The following GPR39 variants were observed in gnomAD, a reference collection of about 807,000 sequenced individuals.
GPR39 encodes G protein-coupled receptor 39, also known as zinc sensing receptor.
A neutral mutation model predicts 18.4 loss-of-function variants in GPR39; 23 were observed. The observed-to-expected ratio is 1.25, with a 90% confidence interval of 0.90 to 1.77. The LOEUF is 1.77. GPR39 is among the 40% of genes most tolerant of loss of function. The pLI is 0.00. For missense variants in GPR39, 647 were observed against 602.4 expected (o/e 1.07, Z -0.78); for synonymous variants, 280 against 257.9 (o/e 1.09, Z -0.82).
At chr2:132,615,403 A>G (rs1681316843) in intron 1 of GPR39, among the ~76,000 whole-genome samples, 1 of 152,150 alleles carries the variant, frequency 6.6e-6, no homozygotes, top group African/African-American at 2.4e-5. Context: ...CCTTCCTCGC[A>G]GGCATCATTG....
At chr2:132,610,315 T>A (rs1479305723) in intron 1 of GPR39, among the ~76,000 whole-genome samples, 2 of 152,154 alleles carry the variant, frequency 1.3e-5, no homozygotes, top group Non-Finnish European at 1.5e-5. Flanking sequence ...GGCGTAGTCA[T>A]CACACAAGAA....
chr2:132,493,135 C>CAT (rs1167102506), intron 1 of GPR39, among the ~76,000 whole-genome samples: 3 of 135,814 alleles, frequency 2.2e-5, no homozygotes, highest in South Asian at 2.3e-4. Context: ...ATATATATAC[C>CAT]ATATATATAC....
chr2:132,559,077 T>C (rs1480743367), intron 1 of GPR39, among the ~76,000 whole-genome samples: 2 of 152,198 alleles, frequency 1.3e-5, no homozygotes, highest in African/African-American at 2.4e-5. Flanking sequence ...CTTGCTATAA[T>C]AGAAAATGGC....
intron 1 of GPR39, among the ~76,000 whole-genome samples, chr2:132,457,584 G>T (rs1021717963): frequency 2.0e-5 from 3 of 152,202 alleles, no homozygotes; most frequent in South Asian, 2.1e-4. Context: ...GGCTACACGG[G>T]GTTCAGGGAC....
chr2:132,474,050 C>T (rs891100824), intron 1 of GPR39, among the ~76,000 whole-genome samples: 7 of 152,140 alleles, frequency 4.6e-5, no homozygotes, highest in Non-Finnish European at 7.4e-5. Flanking sequence ...TAAAGCACTA[C>T]GACATGACAT....
At chr2:132,496,976 A>C (rs1681652883) in intron 1 of GPR39, among the ~76,000 whole-genome samples, 1 of 152,222 alleles carries the variant, frequency 6.6e-6, no homozygotes, top group African/African-American at 2.4e-5. Flanking sequence ...TTGGTTTCCC[A>C]ATTTTACTTT....
At chr2:132,559,207 T>C (rs1428033961) in intron 1 of GPR39, among the ~76,000 whole-genome samples, 1 of 152,164 alleles carries the variant, frequency 6.6e-6, no homozygotes, top group African/African-American at 2.4e-5. Context: ...CTGACCGAGG[T>C]TGGGATCCAG....
At chr2:132,513,059 C>T (rs569887373) in intron 1 of GPR39, among the ~76,000 whole-genome samples, 25 of 152,230 alleles carry the variant, frequency 1.6e-4, no homozygotes, top group Middle Eastern at 3.4e-3. Flanking sequence ...AGCTGGGCTC[C>T]TGGGTCGGTT....
At chr2:132,524,867 A>G (rs1679481798) in intron 1 of GPR39, among the ~76,000 whole-genome samples, 1 of 152,218 alleles carries the variant, frequency 6.6e-6, no homozygotes. Flanking sequence ...TAGTGAAGTT[A>G]TTACAAGTAC....
intron 1 of GPR39, among the ~76,000 whole-genome samples, chr2:132,618,645 G>A (rs1681380459): frequency 6.6e-6 from 1 of 152,052 alleles, no homozygotes; most frequent in African/African-American, 2.4e-5. Context: ...TGCTTTGGGA[G>A]GCCACACATG....
chr2:132,418,804 T>A (rs1372577550), intron 1 of GPR39, among the ~76,000 whole-genome samples: 1 of 152,190 alleles, frequency 6.6e-6, no homozygotes, highest in Admixed American at 6.5e-5. Flanking sequence ...TAAAATATAT[T>A]TTTTTAGCAG....
intron 1 of GPR39, among the ~76,000 whole-genome samples, chr2:132,514,518 G>A (rs1679296784): frequency 6.6e-6 from 1 of 152,112 alleles, no homozygotes; most frequent in African/African-American, 2.4e-5. Flanking sequence ...CCAGATCATT[G>A]GTACCTGCCT....
At chr2:132,584,437 G>A (rs1680686218) in intron 1 of GPR39, among the ~76,000 whole-genome samples, 1 of 152,148 alleles carries the variant, frequency 6.6e-6, no homozygotes, top group Non-Finnish European at 1.5e-5. Flanking sequence ...GGAAGCTTCT[G>A]AAGCCAGAAA....
At chr2:132,569,210 A>G (rs113262900) in intron 1 of GPR39, among the ~76,000 whole-genome samples, 4 of 152,220 alleles carry the variant, frequency 2.6e-5, no homozygotes, top group African/African-American at 9.6e-5. Context: ...GGAAAGAATA[A>G]CAAGAGAGAT....
chr2:132,558,993 C>T (rs2104802016), intron 1 of GPR39, among the ~76,000 whole-genome samples: 1 of 152,236 alleles, frequency 6.6e-6, no homozygotes, highest in Non-Finnish European at 1.5e-5. Flanking sequence ...GGCAAAGGAC[C>T]TGATTTTCAT....
chr2:132,472,346 C>T (rs969866797), intron 1 of GPR39, among the ~76,000 whole-genome samples: 9 of 152,172 alleles, frequency 5.9e-5, no homozygotes, highest in Admixed American at 5.2e-4. Context: ...CAGGTGTATT[C>T]CATCCAGCTC....
intron 1 of GPR39, among the ~76,000 whole-genome samples, chr2:132,449,942 C>A (rs1052721733): frequency 6.6e-6 from 1 of 152,160 alleles, no homozygotes; most frequent in Non-Finnish European, 1.5e-5. Context: ...ACAGGCCCTT[C>A]AAAATCTTTT....
intron 1 of GPR39, among the ~76,000 whole-genome samples, chr2:132,445,699 T>G (rs551337186): frequency 4.6e-5 from 7 of 152,362 alleles, no homozygotes; most frequent in African/African-American, 7.2e-5. Flanking sequence ...TATTTTTCAC[T>G]AATTTGTTCC....
At chr2:132,610,205 A>ACTTACTT (rs1486374273) in intron 1 of GPR39, among the ~76,000 whole-genome samples, 1 of 152,030 alleles carries the variant, frequency 6.6e-6, no homozygotes, top group Non-Finnish European at 1.5e-5. Context: ...GAATCTAAAT[A>ACTTACTT]CTTACATGCT....
Sources: gnomAD v4.1 joint callset for allele counts (sites outside exome capture counted in the v4.1 genomes callset) on GRCh38, gnomAD v4.1.1 for gene constraint, MANE v1.5 for transcripts, NCBI Gene and HGNC (gene_info 2026-07-23, HGNC 2026-07-21) for gene names.